The following CNTNAP2 variants were observed in gnomAD, a reference collection of about 807,000 sequenced individuals.
The protein encoded by CNTNAP2 is contactin associated protein 2.
A neutral mutation model predicts 155.2 loss-of-function variants in CNTNAP2; 98 were observed. That is an observed-to-expected ratio of 0.63 (90% confidence interval 0.54 to 0.75). The LOEUF (loss-of-function observed/expected upper bound fraction) is 0.75, where lower values mean the gene tolerates loss of function less well. CNTNAP2 is among the 30% of genes least tolerant of loss of function. The pLI is 0.00. For missense variants in CNTNAP2, 1,727 were observed against 1,688.1 expected, an observed-to-expected ratio of 1.02 and a Z score of -0.40; for synonymous variants, 651 against 631.2, an observed-to-expected ratio of 1.03 and a Z score of -0.47.
chr7:147,733,354 A>G (rs1289112029), intron 13 of CNTNAP2, among the ~76,000 whole-genome samples: 1 of 151,722 alleles, frequency 6.6e-6, no homozygotes, highest in African/African-American at 2.4e-5. Flanking sequence ...ATTTCTGAGG[A>G]CTCTGTTTTG....
chr7:148,106,487 C>A (rs373327954), intron 15 of CNTNAP2, among the ~76,000 whole-genome samples: 275 of 101,906 alleles, frequency 2.7e-3, no homozygotes, highest in African/African-American at 0.016. Context: ...GTACTGCACA[C>A]TTTGAGATAT....
At chr7:146,365,074 T>G (rs1452299346) in intron 1 of CNTNAP2, among the ~76,000 whole-genome samples, 1 of 152,214 alleles carries the variant, frequency 6.6e-6, no homozygotes, top group African/African-American at 2.4e-5. Flanking sequence ...TATTGTATAC[T>G]TTCACTCTAA....
chr7:147,724,763 A>G (rs996994127), intron 13 of CNTNAP2, among the ~76,000 whole-genome samples: 3 of 152,004 alleles, frequency 2.0e-5, no homozygotes, highest in Non-Finnish European at 2.9e-5. Context: ...AGTCTTGCTC[A>G]CCTTTTAAGG....
chr7:147,692,698 CTTA>C (rs772228102), intron 13 of CNTNAP2, among the ~76,000 whole-genome samples: 33 of 151,844 alleles, frequency 2.2e-4, no homozygotes, highest in Non-Finnish European at 4.1e-4. Flanking sequence ...GAGTTGTTTT[CTTA>C]TTATTGTGTT....
chr7:147,362,108 G>C (rs1245251143), intron 9 of CNTNAP2, among the ~76,000 whole-genome samples: 2 of 152,140 alleles, frequency 1.3e-5, no homozygotes, highest in African/African-American at 2.4e-5. Flanking sequence ...CTCCAAGATT[G>C]AGTGTTTTCA....
intron 12 of CNTNAP2, among the ~76,000 whole-genome samples, chr7:147,588,840 G>C (rs1800684553): frequency 6.6e-6 from 1 of 152,194 alleles, no homozygotes; most frequent in Non-Finnish European, 1.5e-5. Flanking sequence ...ACTTACTCAT[G>C]TTTGAGACAT....
chr7:146,224,838 C>T (rs971555230), intron 1 of CNTNAP2, among the ~76,000 whole-genome samples: 7 of 152,104 alleles, frequency 4.6e-5, no homozygotes, highest in Admixed American at 1.3e-4. Flanking sequence ...TTGTTTTGAT[C>T]TCAGAATTTC....
chr7:148,000,991 T>G (rs1305052481), intron 15 of CNTNAP2, among the ~76,000 whole-genome samples: 1 of 152,200 alleles, frequency 6.6e-6, no homozygotes, highest in Non-Finnish European at 1.5e-5. Flanking sequence ...ACTCTGCCTG[T>G]CTCCACAAGG....
At chr7:148,120,068 G>T (rs1466206801) in intron 16 of CNTNAP2, among the ~76,000 whole-genome samples, 1 of 150,844 alleles carries the variant, frequency 6.6e-6, no homozygotes, top group Non-Finnish European at 1.5e-5. Flanking sequence ...AGATTTTATG[G>T]CCACAAAAGA....
chr7:148,217,414 T>A lies in CNTNAP2; in HGVS notation c.3137T>A (p.Leu1046Gln). ...GACCAGCAGAACTCCCACCCGGACC[T>A]GGCACAGGAGGAGATCCGCTTCAGC... is the stretch of plus-strand genomic sequence containing the variant. ...APDQQNSHPD[L>Q]AQEEIRFSFS... Residue 1046 changes from leucine (L) to glutamine (Q), a missense_variant, in exon 19 of 24, where the codon CTG becomes CAG. Transcript: ENST00000361727. 1 of 1,614,100 alleles carries A rather than the reference T, an allele frequency of 6.2e-7. No homozygotes were observed. Among genetic ancestry groups the A allele is most frequent in the Non-Finnish European group, 8.5e-7 (1 of 1,180,008 alleles).
chr7:147,032,935 C>T (rs1189187710), intron 3 of CNTNAP2, among the ~76,000 whole-genome samples: 2 of 151,628 alleles, frequency 1.3e-5, no homozygotes, highest in Non-Finnish European at 2.9e-5. Context: ...TCATGTGATG[C>T]CCCTAAAGAA....
At chr7:148,222,460 A>G (rs1055247907) in intron 19 of CNTNAP2, among the ~76,000 whole-genome samples, 2 of 151,844 alleles carry the variant, frequency 1.3e-5, no homozygotes, top group South Asian at 4.1e-4. Context: ...TCCCATGAGA[A>G]CCTGTTAATC....
At chr7:147,441,932 C>T (rs1157283339) in intron 10 of CNTNAP2, among the ~76,000 whole-genome samples, 1 of 145,864 alleles carries the variant, frequency 6.9e-6, no homozygotes, top group Non-Finnish European at 1.5e-5. Context: ...GACGTAAGCA[C>T]CCCTATGGCA....
chr7:147,977,798 A>G (rs1055533666), intron 14 of CNTNAP2, 64 bp from the exon 15 acceptor site: 1 of 1,605,538 alleles, frequency 6.2e-7, no homozygotes, highest in African/African-American at 1.3e-5. Flanking sequence ...GTAAGCAACT[A>G]GCAGAAAATT....
intron 17 of CNTNAP2, among the ~76,000 whole-genome samples, chr7:148,169,692 T>A (rs184989749): frequency 6.6e-6 from 1 of 152,334 alleles, no homozygotes; most frequent in African/African-American, 2.4e-5. Flanking sequence ...CTGGGCACGG[T>A]GGCTCACACC....
chr7:148,167,522 G>T (rs895776093), intron 17 of CNTNAP2, among the ~76,000 whole-genome samples: 1 of 152,134 alleles, frequency 6.6e-6, no homozygotes, highest in Admixed American at 6.6e-5. Context: ...AGACATCGGT[G>T]CAAAGAAAGA....
intron 1 of CNTNAP2, among the ~76,000 whole-genome samples, chr7:146,759,063 GT>G (rs1243346637): frequency 6.6e-6 from 1 of 151,916 alleles, no homozygotes; most frequent in Non-Finnish European, 1.5e-5. Context: ...CTTACTTTTT[GT>G]TTTCTTTTGG....
chr7:147,664,927 G>A (rs1335535771), intron 13 of CNTNAP2, among the ~76,000 whole-genome samples: 1 of 152,176 alleles, frequency 6.6e-6, no homozygotes, highest in East Asian at 1.9e-4. Context: ...TACGTGCCAG[G>A]TGGCCCATAG....
At chr7:146,747,269 A>G (rs914789070) in intron 1 of CNTNAP2, among the ~76,000 whole-genome samples, 1 of 152,184 alleles carries the variant, frequency 6.6e-6, no homozygotes, top group African/African-American at 2.4e-5. Context: ...CAAGGCAGAC[A>G]TTTTGATCAT....
Sources: gnomAD v4.1 joint callset for allele counts (sites outside exome capture counted in the v4.1 genomes callset) on GRCh38, gnomAD v4.1.1 for gene constraint, MANE v1.5 for transcripts, NCBI Gene and HGNC (gene_info 2026-07-23, HGNC 2026-07-21) for gene names.